ZNF618: variants seen among roughly 807,000 people sequenced by gnomAD.
ZNF618 encodes neural precursor cell expressed, developmentally down-regulated 10.
Under a neutral mutation model 103.0 loss-of-function variants are expected in ZNF618, and 34 were observed. That is an observed-to-expected ratio of 0.33 (90% CI 0.25 to 0.44). The LOEUF is 0.44. Ranked by LOEUF, ZNF618 falls within the 20% of genes least tolerant of loss-of-function variation. The pLI, the probability that ZNF618 is intolerant of heterozygous loss-of-function variation, is 1.00. For synonymous variants in ZNF618, 551 were observed against 542.2 expected, an observed-to-expected ratio of 1.02 and a Z score of -0.23; for missense variants, 1,059 against 1,295.4, an observed-to-expected ratio of 0.82 and a Z score of 2.80.
intron 9 of ZNF618, among the ~76,000 whole-genome samples, chr9:114,016,330 G>C (rs1842645355): frequency 6.6e-6 from 1 of 152,126 alleles, no homozygotes; most frequent in Admixed American, 6.5e-5. Flanking sequence ...GAAGAGGTTG[G>C]TGTTGGAGGT....
intron 13 of ZNF618, among the ~76,000 whole-genome samples, chr9:114,045,004 A>T (rs1203389179): frequency 6.6e-6 from 1 of 152,044 alleles, no homozygotes; most frequent in Non-Finnish European, 1.5e-5. Context: ...TTTTCTAGGT[A>T]TATAATCATA....
chr9:113,948,147 G>A (rs1835228352), intron 1 of ZNF618, among the ~76,000 whole-genome samples: 2 of 152,142 alleles, frequency 1.3e-5, no homozygotes, highest in South Asian at 4.1e-4. Flanking sequence ...TACATGCAGT[G>A]CGACCTCATA....
rs773406062 is a variant in ZNF618 at position 114,016,726 on chromosome 9, C to G, written c.786C>G (p.Gly262=). Reference sequence around the variant, plus strand: ...GCAATTACACCTGTGAATTCTGCGGCAAACAGTACAAGTACTACACTCCCT... The same window carrying G: ...GCAATTACACCTGTGAATTCTGCGGGAAACAGTACAAGTACTACACTCCCT... The part of the protein sequence containing the change: ...KTGNYTCEFC[G]KQYKYYTPYQ... Residue 262 remains glycine, a synonymous_variant, in exon 10 of 15, where the codon GGC becomes GGG. Transcript: ENST00000374126. The G allele has an allele frequency of 6.2e-7, 1 of 1,613,808 alleles. No individual in the cohort carries two copies. Among genetic ancestry groups the G allele is most frequent in the East Asian group, 2.2e-5 (1 of 44,862 alleles).
At chr9:113,960,111 C>G (rs10817541) in intron 1 of ZNF618, among the ~76,000 whole-genome samples, 80,027 of 152,146 alleles carry the variant, frequency 0.53, 21,545 homozygotes, top group East Asian at 0.69. Flanking sequence ...CACAGAGCAA[C>G]TAATATGTGC....
chr9:114,043,914 T>C (rs1348304386), intron 13 of ZNF618, among the ~76,000 whole-genome samples: 3 of 152,186 alleles, frequency 2.0e-5, no homozygotes, highest in African/African-American at 7.2e-5. Context: ...TTGTTCTTGC[T>C]GATTTGTTTG....
rs1303085750 is a variant in ZNF618, at chr9:113,968,995, T to C, written c.34-122T>C. ...CAGCCTGGAGGAGCGGGACAGGGGC[T>C]TGTGGCCAGCTCACCCCACAGTGTG... On this transcript the variant is annotated intron_variant, in intron 1 of 14. Coordinates refer to ENST00000374126, the MANE Select transcript of ZNF618 (RefSeq NM_001318042.2). The C allele has an allele frequency of 1.5e-5, 17 of 1,141,402 alleles. No individual in the cohort carries two copies. In the Admixed American group the frequency reaches 2.7e-4, roughly 18 times the overall value. 70.7% of individuals were successfully genotyped at this position (1,141,402 alleles called of 1,614,324 possible).
chr9:113,948,454 AG>A (rs1322115074), intron 1 of ZNF618, among the ~76,000 whole-genome samples: 1 of 152,270 alleles, frequency 6.6e-6, no homozygotes. Flanking sequence ...AGAATGGGCA[AG>A]GCTTTGGGCC....
Position 113,962,817 on chromosome 9 carries a change from C to A in ZNF618, c.34-6300C>A, listed in dbSNP as rs187177965. On this transcript the variant is annotated intron_variant, in intron 1 of 14. Coordinates refer to ENST00000374126, the MANE Select transcript of ZNF618 (RefSeq NM_001318042.2). The stretch of plus-strand genomic sequence containing the variant: ...CTGTTCATGACTCCCCCGCCTCCCC[C>A]ACACACCATAGAACTGATTACTTTC... Among the ~76,000 whole-genome samples, 9 of 152,328 alleles carry A rather than the reference C, an allele frequency of 5.9e-5. No homozygotes were observed. The East Asian group carries it at 1.5e-3, about 26-fold the overall frequency.
intron 1 of ZNF618, among the ~76,000 whole-genome samples, chr9:113,908,063 G>GA (rs1265470362): frequency 6.6e-6 from 1 of 152,134 alleles, no homozygotes; most frequent in Non-Finnish European, 1.5e-5. Flanking sequence ...GCATTTCCAT[G>GA]AAACAGTGAC....
At chr9:113,998,697 C>T (rs72759025) in intron 4 of ZNF618, among the ~76,000 whole-genome samples, 3,011 of 152,336 alleles carry the variant, frequency 0.02, 45 homozygotes, top group Non-Finnish European at 0.03. Context: ...CTGGGTTAAA[C>T]AGTAGCTGAC....
chr9:114,000,554 AG>A (rs1224121362), intron 4 of ZNF618, among the ~76,000 whole-genome samples: 1 of 149,204 alleles, frequency 6.7e-6, no homozygotes, highest in Non-Finnish European at 1.5e-5. Flanking sequence ...TTCTTCTTCC[AG>A]TGTGACCCAG....
intron 1 of ZNF618, among the ~76,000 whole-genome samples, chr9:113,942,628 G>A (rs1834655326): frequency 6.6e-6 from 1 of 152,214 alleles, no homozygotes; most frequent in Admixed American, 6.5e-5. Flanking sequence ...AGCAGACGAT[G>A]AATCAGTGCT....
intron 1 of ZNF618, among the ~76,000 whole-genome samples, chr9:113,883,229 A>G (rs1278834906): frequency 6.6e-6 from 1 of 152,252 alleles, no homozygotes; most frequent in Non-Finnish European, 1.5e-5. Context: ...CTCTGAAGCC[A>G]TGGCTCCCCT....
chr9:113,982,020 ATTTG>A (rs1248912976), intron 2 of ZNF618, among the ~76,000 whole-genome samples: 1 of 152,164 alleles, frequency 6.6e-6, no homozygotes, highest in Non-Finnish European at 1.5e-5. Context: ...AGAGAGAGAC[ATTTG>A]TTTGTTTCTG....
intron 2 of ZNF618, among the ~76,000 whole-genome samples, chr9:113,987,480 C>T (rs1839594403): frequency 6.6e-6 from 1 of 152,214 alleles, no homozygotes; most frequent in South Asian, 2.1e-4. Context: ...ACAGTGTTGG[C>T]TCCATGACAT....
intron 1 of ZNF618, among the ~76,000 whole-genome samples, chr9:113,964,391 T>G (rs760909684): frequency 6.6e-6 from 1 of 152,200 alleles, no homozygotes; most frequent in African/African-American, 2.4e-5. Context: ...TTTCCGCCGC[T>G]GAACAGCTGT....
Position 114,050,434 on chromosome 9 carries a change from G to GCACACACACA in ZNF618, c.*274_*275insACACACACAC. 6.3e-6 allele frequency: 2 copies of GCACACACACA among 316,726 alleles called. No individual in the cohort carries two copies. The highest frequency in any genetic ancestry group is 8.6e-5 in the South Asian group (2 of 23,330). 19.6% of individuals were successfully genotyped at this position (316,726 alleles called of 1,614,324 possible). ...TCATCTCCATGGCCAGAGAAACTTTGCACACACGCACACACACACACACAC... is the reference window on the plus strand; with the variant it reads ...TCATCTCCATGGCCAGAGAAACTTTGCACACACACACACACACGCACACACACACACACAC... On this transcript the variant is annotated 3_prime_UTR_variant, in exon 15 of 15. Transcript: ENST00000374126.
At chr9:114,046,724 T>C (rs751917489) in intron 13 of ZNF618, among the ~76,000 whole-genome samples, 1 of 152,234 alleles carries the variant, frequency 6.6e-6, no homozygotes, top group Non-Finnish European at 1.5e-5. Flanking sequence ...CGATTCCTAG[T>C]TTATTGAGTG....
intron 1 of ZNF618, among the ~76,000 whole-genome samples, chr9:113,962,909 T>G (rs943988926): frequency 6.6e-6 from 1 of 152,232 alleles, no homozygotes; most frequent in African/African-American, 2.4e-5. Flanking sequence ...TTGAATGTAA[T>G]TGCCACAAGG....
Sources: allele counts gnomAD v4.1 joint callset (sites outside exome capture counted in the v4.1 genomes callset), GRCh38; gene constraint gnomAD v4.1.1; transcripts MANE v1.5; gene names NCBI Gene and HGNC (gene_info 2026-07-23, HGNC 2026-07-21).